Variants in NEDD4L observed in about 807,000 individuals in gnomAD.
NEDD4L encodes NEDD4 like E3 ubiquitin protein ligase.
NEDD4L carries 54 observed loss-of-function variants against 148.9 expected under a neutral mutation model. The ratio of observed to expected loss-of-function variants is 0.36; its 90% CI spans 0.29 to 0.45. NEDD4L has a LOEUF of 0.45. NEDD4L is among the 20% of genes least tolerant of loss of function. The pLI is 1.00. For missense variants in NEDD4L, 856 were observed against 1,233.8 expected (o/e 0.69, Z 4.59); for synonymous variants, 433 against 440.7 (o/e 0.98, Z 0.22).
At chr18:58,277,558 A>G (rs1256621278) in intron 5 of NEDD4L, among the ~76,000 whole-genome samples, 3 of 152,016 alleles carry the variant, frequency 2.0e-5, no homozygotes, top group African/African-American at 7.2e-5. Flanking sequence ...TTCATGGGTC[A>G]CCTTCTCACC....
chr18:58,190,936 C>T (rs2040037935), intron 2 of NEDD4L, among the ~76,000 whole-genome samples: 1 of 152,016 alleles, frequency 6.6e-6, no homozygotes, highest in Admixed American at 6.6e-5. Context: ...CGTAGTGAGA[C>T]CCCATACCTA....
chr18:58,111,415 C>T (rs1277394799), intron 1 of NEDD4L, among the ~76,000 whole-genome samples: 1 of 152,154 alleles, frequency 6.6e-6, no homozygotes, highest in Non-Finnish European at 1.5e-5. Flanking sequence ...TACGATATAA[C>T]CATCACCCCC....
In NEDD4L at chr18:58,256,609, G is replaced by A. The variant is rs370356147; in HGVS notation, c.297+4555G>A. 4 of 1,232,128 alleles carry A rather than the reference G, an allele frequency of 3.2e-6. No homozygotes were observed. The highest frequency in any genetic ancestry group is 1.6e-5 in the African/African-American group (1 of 64,420). 76.3% of individuals were successfully genotyped at this position (1,232,128 alleles called of 1,614,324 possible). A position where few individuals can be genotyped will look rare whatever the true frequency, so the allele number is the denominator to read the frequency against. ...CTGAAATCCGCAGGACGAACTCCGC[G>A]GAGAGGACTCCGCAGGGCCAGGGGT... On this transcript the variant is annotated intron_variant, in intron 5 of 30. Transcript: ENST00000400345. This position sits in a 1 kb window ranked among gnomAD's most constrained non-coding sequence, Gnocchi z 5.2.
intron 1 of NEDD4L, among the ~76,000 whole-genome samples, chr18:58,129,141 A>G (rs968483653): frequency 6.6e-6 from 1 of 152,254 alleles, no homozygotes; most frequent in Non-Finnish European, 1.5e-5. Context: ...GATTGCTGAT[A>G]GAGGAAGCCC....
intron 1 of NEDD4L, among the ~76,000 whole-genome samples, chr18:58,126,078 C>T (rs529685938): frequency 1.1e-4 from 16 of 152,342 alleles, no homozygotes; most frequent in Admixed American, 4.6e-4. Context: ...TGAAGGGGAC[C>T]GTTGCTCCGA....
rs1328558462 is a variant in NEDD4L, at chr18:58,256,943, T to A, written c.297+4889T>A. ...GCACGATGATTTGTGGTCCAGTGTTTGGTGCGCAAAACACCATTTCTGCAA... is the reference window on the plus strand; with the variant it reads ...GCACGATGATTTGTGGTCCAGTGTTAGGTGCGCAAAACACCATTTCTGCAA... On this transcript the variant is annotated intron_variant, in intron 5 of 30. Coordinates refer to ENST00000400345, the MANE Select transcript of NEDD4L (RefSeq NM_001144967.3). This position sits in a 1 kb window ranked among gnomAD's most constrained non-coding sequence, Gnocchi z 5.2. Among the ~76,000 whole-genome samples, 1 of 152,244 alleles carries A rather than the reference T, an allele frequency of 6.6e-6. No individual in the cohort carries two copies. The highest frequency in any genetic ancestry group is 1.5e-5 in the Non-Finnish European group (1 of 68,042).
rs754006042 is a variant in NEDD4L, at chr18:58,341,122, G to C, written c.1210G>C (p.Val404Leu). The C allele has an allele frequency of 1.2e-6, 2 of 1,612,688 alleles. No homozygotes were observed. Among genetic ancestry groups the C allele is most frequent in the East Asian group, 4.5e-5 (2 of 44,842 alleles). ...RKDAKGRTYY[V>L]NHNNRTTTWT... ...AGATGCTAAGGGGCGCACATACTAT[G>C]TCAATCATAACAATCGAACCACAAC... The change falls in exon 14 of 31, where the codon GTC becomes CTC. Residue 404 changes from valine to leucine, a missense_variant. Val to Leu is a conservative substitution (Grantham distance 32). Transcript: ENST00000400345.
intron 1 of NEDD4L, among the ~76,000 whole-genome samples, chr18:58,165,288 G>C (rs79591461): frequency 0.011 from 1,711 of 152,258 alleles, 30 homozygotes; most frequent in African/African-American, 0.039. Context: ...CTTTTTACTG[G>C]AACTAAGGAA....
At chr18:58,212,757 C>T (rs541454678) in intron 2 of NEDD4L, among the ~76,000 whole-genome samples, 18 of 147,786 alleles carry the variant, frequency 1.2e-4, no homozygotes, top group African/African-American at 3.9e-4. Context: ...CAGGCATGAT[C>T]CACCATACCT....
At position 58,245,846 on chromosome 18, in the gene NEDD4L, ATTTTTTTTT is replaced by A. The variant is rs58940181; in HGVS notation, c.204+353_204+361del. Among the ~76,000 whole-genome samples the A allele has an allele frequency of 7.6e-5, 7 of 91,550 alleles. No homozygotes were observed. The East Asian group carries it at 9.4e-4, about 12-fold the overall frequency. The allele number at this position is 91,550 out of a possible 152,430, so 60.1% of individuals were successfully genotyped here. ...CAGGCACCTGTCACCATGCCTGGCT[ATTTTTTTTT>A]TTTTTTTTTTTTTTGTATTTTTAGT... On this transcript the variant is annotated intron_variant, in intron 3 of 30. Coordinates refer to ENST00000400345, the MANE Select transcript of NEDD4L (RefSeq NM_001144967.3).
At position 58,256,089 on chromosome 18, in the gene NEDD4L, C is replaced by T. The variant is rs1479367723; in HGVS notation, c.297+4035C>T. The T allele has an allele frequency of 4.1e-6, 5 of 1,227,786 alleles. No individual in the cohort carries two copies. In the East Asian group the frequency reaches 1.3e-4, roughly 31 times the overall value. The allele number at this position is 1,227,786 out of a possible 1,614,324, so 76.1% of individuals were successfully genotyped here. A position where few individuals can be genotyped will look rare whatever the true frequency, so the allele number is the denominator to read the frequency against. ...TCCCGGGAGCCCTCGCCGAGGGACA[C>T]CCCCGGGAGCTCCCCTCCGAGGGCA... On this transcript the variant is annotated intron_variant, in intron 5 of 30. Transcript: ENST00000400345. The surrounding 1 kb of genome is among the most constrained non-coding windows in gnomAD (Gnocchi z 5.2).
At chr18:58,324,669 C>A (rs150805802) in intron 8 of NEDD4L, among the ~76,000 whole-genome samples, 67 of 152,326 alleles carry the variant, frequency 4.4e-4, no homozygotes, top group Admixed American at 3.7e-3. Flanking sequence ...AAATAACAAA[C>A]ATGACGTATG....
intron 4 of NEDD4L, among the ~76,000 whole-genome samples, chr18:58,249,972 C>G (rs932169934): frequency 4.6e-5 from 7 of 152,208 alleles, no homozygotes; most frequent in African/African-American, 1.7e-4. Context: ...TTAGTTAACT[C>G]TGAAATATAG....
intron 19 of NEDD4L, among the ~76,000 whole-genome samples, chr18:58,363,868 A>G (rs1002833423): frequency 2.0e-5 from 3 of 152,250 alleles, no homozygotes; most frequent in African/African-American, 7.2e-5. Context: ...ACTTTTCAAA[A>G]TGCCAACGTA....
intron 1 of NEDD4L, among the ~76,000 whole-genome samples, chr18:58,052,620 A>T (rs2081923552): frequency 6.7e-6 from 1 of 149,838 alleles, no homozygotes; most frequent in African/African-American, 2.5e-5. Context: ...TCACCAAAAG[A>T]AAAGGGCCAT....
Position 58,095,300 on chromosome 18 carries a change from G to T in NEDD4L, c.48+50592G>T, listed in dbSNP as rs75537728. Among the ~76,000 whole-genome samples, 352 of 152,304 alleles carry T rather than the reference G, an allele frequency of 2.3e-3. 1 individual carries two copies. Among genetic ancestry groups the T allele is most frequent in the East Asian group, 3.9e-3 (20 of 5,188 alleles). The stretch of plus-strand genomic sequence containing the variant: ...ATTTATTCAGCAGCTTCTTACTGAG[G>T]GTATGGGTGCCAGGTGCTCGCTCTG... On this transcript the variant is annotated intron_variant, in intron 1 of 30. Transcript: ENST00000400345.
intron 9 of NEDD4L, among the ~76,000 whole-genome samples, chr18:58,328,336 G>A (rs1358651942): frequency 6.6e-6 from 1 of 152,186 alleles, no homozygotes; most frequent in Admixed American, 6.5e-5. Flanking sequence ...AAAAAATAGG[G>A]TATGATGTTT....
intron 1 of NEDD4L, among the ~76,000 whole-genome samples, chr18:58,096,623 T>TCA (rs2084429501): frequency 6.6e-6 from 1 of 151,944 alleles, no homozygotes; most frequent in South Asian, 2.1e-4. Flanking sequence ...AGGCTGATCT[T>TCA]GACCTTAGAT....
chr18:58,333,832 C>T lies in NEDD4L; in HGVS notation c.1005C>T (p.Ser335=). The change falls in exon 12 of 31, where the codon TCC becomes TCT. Residue 335 remains serine (S), a synonymous_variant. Coordinates refer to ENST00000400345, the MANE Select transcript of NEDD4L (RefSeq NM_001144967.3). The stretch of plus-strand genomic sequence containing the variant: ...TCTCCTTCCAGCAAAGAGAACCCTC[C>T]TCAAGGTTGAGGTCATGCAGTGTCA... ...QFSSLIQREP[S]SRLRSCSVTD... 1 of 1,613,716 alleles carries T rather than the reference C, an allele frequency of 6.2e-7. No homozygotes were observed. The highest frequency in any genetic ancestry group is 1.1e-5 in the South Asian group (1 of 91,058).
Sources: allele counts gnomAD v4.1 joint callset (sites outside exome capture counted in the v4.1 genomes callset), GRCh38; gene constraint gnomAD v4.1.1; non-coding constraint Gnocchi (gnomAD v3.1); transcripts MANE v1.5; gene names NCBI Gene and HGNC (gene_info 2026-07-23, HGNC 2026-07-21).